CUBN: variants seen among roughly 807,000 people sequenced by gnomAD.
CUBN encodes 460 kDa receptor.
In CUBN, 282 loss-of-function variants were observed where a neutral mutation model predicts 405.3. That is an observed-to-expected ratio of 0.70 (90% CI 0.63 to 0.77). CUBN has a LOEUF of 0.77. CUBN is among the 30% of genes least tolerant of loss of function. The pLI is 0.00. For missense variants in CUBN, 4,514 were observed against 4,475.2 expected (o/e 1.01, Z -0.25); for synonymous variants, 1,684 against 1,617.0 (o/e 1.04, Z -0.99).
chr10:16,900,837 T>C lies in CUBN; in HGVS notation c.8198A>G (p.Asp2733Gly). 6.2e-7 allele frequency: 1 copy of C among 1,612,866 alleles called. No individual in the cohort carries two copies. Among genetic ancestry groups the C allele is most frequent in the Non-Finnish European group, 8.5e-7 (1 of 1,179,218 alleles). The change falls in exon 53 of 67, where the codon GAC (aspartate) becomes GGC (glycine). Residue 2733 changes from aspartate (D) to glycine (G), a missense_variant. Asp to Gly is a moderately conservative substitution (Grantham distance 94). Around this residue, in one of 5 missense-constraint regions of CUBN, gnomAD observed 1,186 missense variants for 1,186.9 expected, o/e 1.00. Coordinates refer to ENST00000377833, the MANE Select transcript of CUBN (RefSeq NM_001081.4). Reference sequence around the variant, plus strand: ...AGTTGTATGGGGTTCAATATCAAAGTCACTAAATGTGAGCTGCAGGAGAAA... The same window carrying C: ...AGTTGTATGGGGTTCAATATCAAAGCCACTAAATGTGAGCTGCAGGAGAAA... Reference protein sequence around the residue: ...QGHTITLTFSDFDIEPHTTCA... With the variant: ...QGHTITLTFSGFDIEPHTTCA...
intron 22 of CUBN, among the ~76,000 whole-genome samples, chr10:17,056,748 T>C (rs1057415557): frequency 2.6e-5 from 4 of 152,104 alleles, no homozygotes; most frequent in Non-Finnish European, 4.4e-5. Context: ...CTTCAAAGGA[T>C]ACCATAAGGA....
At chr10:16,969,034 T>C (rs1006986278) in intron 31 of CUBN, among the ~76,000 whole-genome samples, 2 of 152,178 alleles carry the variant, frequency 1.3e-5, no homozygotes, top group Non-Finnish European at 2.9e-5. Flanking sequence ...AAAAATCCAG[T>C]TTTTCCCTTT....
intron 40 of CUBN, among the ~76,000 whole-genome samples, chr10:16,931,083 CA>C (rs1224708013): frequency 4.2e-4 from 64 of 150,872 alleles, no homozygotes; most frequent in South Asian, 1.7e-3. Context: ...AGTGAAACCC[CA>C]CCTCTACTAA....
intron 59 of CUBN, among the ~76,000 whole-genome samples, chr10:16,858,995 T>C (rs1839941322): frequency 6.6e-6 from 1 of 152,026 alleles, no homozygotes; most frequent in African/African-American, 2.4e-5. Context: ...TAGACACAAA[T>C]GAAAAATGTA....
At chr10:17,087,486 T>TTTTTTTC (rs1836146023) in intron 15 of CUBN, among the ~76,000 whole-genome samples, 1 of 132,162 alleles carries the variant, frequency 7.6e-6, no homozygotes, top group Admixed American at 8.0e-5. Flanking sequence ...TTTTTTTTTT[T>TTTTTTTC]TTTTTTTTAG....
intron 59 of CUBN, among the ~76,000 whole-genome samples, chr10:16,852,587 T>C (rs1839750025): frequency 6.6e-6 from 1 of 152,198 alleles, no homozygotes; most frequent in African/African-American, 2.4e-5. Context: ...CTCCTTCTTA[T>C]TCACGGAGTT....
chr10:17,083,187 G>T (rs985081496), intron 17 of CUBN, among the ~76,000 whole-genome samples: 1 of 151,988 alleles, frequency 6.6e-6, no homozygotes, highest in South Asian at 2.1e-4. Context: ...ATTCTGAAAT[G>T]ATCTTAAATA....
chr10:16,831,151 G>A, intron 65 of CUBN, 101 bp downstream of exon 65: 1 of 988,114 alleles, frequency 1.0e-6, no homozygotes, highest in East Asian at 2.4e-5. Flanking sequence ...AACTAATCAG[G>A]TACACAGGTA....
At position 17,047,600 on chromosome 10, in the gene CUBN, C is replaced by T; in HGVS notation, c.3143G>A (p.Cys1048Tyr). Residue 1048 changes from cysteine (C) to tyrosine (Y), a missense_variant, in exon 23 of 67, where the codon TGT becomes TAT. Transcript: ENST00000377833. ...CAAATCATCTGTGTAGTCTTGCAAA[C>T]ATGCTGTGAACAGAAACAGACCATA... is the stretch of plus-strand genomic sequence containing the variant. ...NYEAISAATA[C>Y]LQDYTDDLGT... 2 of 1,613,720 alleles carry T rather than the reference C, an allele frequency of 1.2e-6. No homozygotes were observed. Among genetic ancestry groups the T allele is most frequent in the African/African-American group, 1.3e-5 (1 of 75,014 alleles).
intron 14 of CUBN, among the ~76,000 whole-genome samples, chr10:17,088,788 G>A (rs1184023950): frequency 6.6e-6 from 1 of 152,142 alleles, no homozygotes; most frequent in East Asian, 1.9e-4. Context: ...TTTCATTTGA[G>A]AAGGTTTCTT....
chr10:17,047,470 T>C lies in CUBN; in HGVS notation c.3273A>G (p.Thr1091=). The change falls in exon 23 of 67, where the codon ACA becomes ACG. Residue 1091 remains threonine (T), a synonymous_variant. Transcript: ENST00000377833. The part of the protein sequence containing the change: ...RTGQLIAVHF[T]NFSLEEAIGN... ...CAATGGCTTCCTCCAAGGAGAAGTT[T>C]GTGAAGTGCACTGCAATCAGTTGGC... is the stretch of plus-strand genomic sequence containing the variant. 3 of 1,614,096 alleles carry C rather than the reference T, an allele frequency of 1.9e-6. No homozygotes were observed. Among genetic ancestry groups the C allele is most frequent in the Non-Finnish European group, 1.7e-6 (2 of 1,179,968 alleles).
intron 27 of CUBN, among the ~76,000 whole-genome samples, chr10:17,029,825 A>G (rs12245732): frequency 0.075 from 11,369 of 152,274 alleles, 1,422 homozygotes; most frequent in African/African-American, 0.26. Context: ...ACAGGATTTT[A>G]TCTACAATCC....
At chr10:17,067,483 C>T (rs1307274525) in intron 21 of CUBN, among the ~76,000 whole-genome samples, 2 of 152,048 alleles carry the variant, frequency 1.3e-5, no homozygotes. Flanking sequence ...AGAACAGAGG[C>T]TTGAAATCAA....
Position 16,915,999 on chromosome 10 carries a change from A to T in CUBN, c.7032T>A (p.Ser2344Arg). 2 of 1,614,130 alleles carry T rather than the reference A, an allele frequency of 1.2e-6. No individual in the cohort carries two copies. The highest frequency in any genetic ancestry group is 1.7e-6 in the Non-Finnish European group (2 of 1,180,008). Reference sequence around the variant, plus strand: ...GATGTCCAATGCTTTCAACAACACCACTTTGCCCTGGTACTCTTCCCCCAC... The same window carrying T: ...GATGTCCAATGCTTTCAACAACACCTCTTTGCCCTGGTACTCTTCCCCCAC... ...AQCGGRVPGQSGVVESIGHPT... is the reference protein window; with the variant it reads ...AQCGGRVPGQRGVVESIGHPT... The change falls in exon 46 of 67, where the codon AGT becomes AGA. Residue 2344 changes from serine (S) to arginine (R), a missense_variant. Physicochemically the swap from Ser to Arg is moderately radical, Grantham distance 110. Transcript: ENST00000377833.
At chr10:17,037,222 T>C (rs924755779) in intron 27 of CUBN, among the ~76,000 whole-genome samples, 4 of 152,208 alleles carry the variant, frequency 2.6e-5, no homozygotes, top group Non-Finnish European at 4.4e-5. Flanking sequence ...GCAATCTTGT[T>C]TGACATTTTT....
At chr10:17,067,164 G>A (rs896576053) in intron 21 of CUBN, among the ~76,000 whole-genome samples, 1 of 152,060 alleles carries the variant, frequency 6.6e-6, no homozygotes, top group Admixed American at 6.6e-5. Flanking sequence ...AACTCAGAAA[G>A]AGAGGAAAAA....
rs186960988 is a variant in CUBN at position 17,100,697 on chromosome 10, G to A, written c.1531-458C>T. ...AACACACAGACGTTCATCACTGCCCGCCAGGGATGTTGATTCCAGAGGGGC... is the reference window on the plus strand; with the variant it reads ...AACACACAGACGTTCATCACTGCCCACCAGGGATGTTGATTCCAGAGGGGC... On this transcript the variant is annotated intron_variant, in intron 13 of 66. Coordinates refer to ENST00000377833, the MANE Select transcript of CUBN (RefSeq NM_001081.4). 5.9e-5 allele frequency among the ~76,000 whole-genome samples: 9 copies of A among 152,248 alleles called. No individual in the cohort carries two copies. In the East Asian group the frequency reaches 7.7e-4, roughly 13 times the overall value.
At chr10:17,052,050 G>C (rs183372226) in intron 22 of CUBN, among the ~76,000 whole-genome samples, 22 of 120,058 alleles carry the variant, frequency 1.8e-4, no homozygotes, top group African/African-American at 6.6e-4. Context: ...CAGTTGGGGC[G>C]GGGGGGAAGC....
intron 65 of CUBN, among the ~76,000 whole-genome samples, chr10:16,829,937 GT>G (rs1034368243): frequency 1.4e-5 from 2 of 144,090 alleles, no homozygotes; most frequent in Non-Finnish European, 3.1e-5. Context: ...GGTTTTTTTT[GT>G]TTTGTTTTTT....
Sources: allele counts gnomAD v4.1 joint callset (sites outside exome capture counted in the v4.1 genomes callset), GRCh38; gene constraint gnomAD v4.1.1; regional missense constraint gnomAD v4.1.1; transcripts MANE v1.5; gene names NCBI Gene and HGNC (gene_info 2026-07-23, HGNC 2026-07-21).